The following CHST12 variants were observed in gnomAD, a reference collection of about 807,000 sequenced individuals.
CHST12 encodes the protein carbohydrate sulfotransferase 12.
CHST12 carries 23 observed loss-of-function variants against 27.9 expected under a neutral mutation model. The observed-to-expected ratio is 0.82, with a 90% CI of 0.59 to 1.17. The LOEUF (loss-of-function observed/expected upper bound fraction) is 1.17, where lower values mean the gene tolerates loss of function less well. Ranked by LOEUF, CHST12 falls within the 50% of genes most tolerant of loss-of-function variation. The pLI is 0.00. For synonymous variants in CHST12, 322 were observed against 273.0 expected (o/e 1.18, Z -1.77); for missense variants, 682 against 603.0 (o/e 1.13, Z -1.37).
rs1211151989 is a variant in CHST12, at chr7:2,445,077, A to G, written c.*11193A>G. 6.6e-6 allele frequency: 1 copy of G among 152,214 alleles called. No homozygotes were observed. The highest frequency in any genetic ancestry group is 1.5e-5 in the Non-Finnish European group (1 of 68,042). 9.4% of individuals were successfully genotyped at this position (152,214 alleles called of 1,614,324 possible). A position where few individuals can be genotyped will look rare whatever the true frequency, so the allele number is the denominator to read the frequency against. On this transcript the variant is annotated 3_prime_UTR_variant, in exon 2 of 2. Coordinates refer to ENST00000618655, the MANE Select transcript of CHST12 (RefSeq NM_018641.5). The stretch of plus-strand genomic sequence containing the variant: ...GTGGATTTCAACATGTCGGGTTTCA[A>G]AGGGGGCTGGCTTTGAAAGTGGTCT...
chr7:2,433,548 C>T lies in CHST12; in HGVS notation c.909C>T (p.Phe303=), dbSNP rs764010502. ...RAGLKVSFAN[F]IQYLLDPHTE... ...GCCTCAAGGTGTCCTTCGCCAACTTCATCCAGTACCTGCTGGACCCGCACA... is the reference window on the plus strand; with the variant it reads ...GCCTCAAGGTGTCCTTCGCCAACTTTATCCAGTACCTGCTGGACCCGCACA... Residue 303 remains phenylalanine, a synonymous_variant, in exon 2 of 2, where the codon TTC becomes TTT. Transcript: ENST00000618655. The surrounding 1 kb of genome is among the most constrained non-coding windows in gnomAD (Gnocchi z 6.1). 8 of 1,613,290 alleles carry T rather than the reference C, an allele frequency of 5.0e-6. No homozygotes were observed. The highest frequency in any genetic ancestry group is 1.7e-5 in the Admixed American group (1 of 60,012).
At position 2,432,861 on chromosome 7, in the gene CHST12, C is replaced by T; in HGVS notation, c.222C>T (p.Leu74=). 1 of 1,613,818 alleles carries T rather than the reference C, an allele frequency of 6.2e-7. No homozygotes were observed. Among genetic ancestry groups the T allele is most frequent in the Non-Finnish European group, 8.5e-7 (1 of 1,179,908 alleles). The part of the protein sequence containing the change: ...SDVDEFLDKF[L]SAGVKQSDLP... ...TCGACGAGTTTCTGGACAAGTTTCT[C>T]AGTGCTGGCGTGAAGCAGAGCGACC... Residue 74 remains leucine (L), a synonymous_variant, in exon 2 of 2, where the codon CTC becomes CTT. Coordinates refer to ENST00000618655, the MANE Select transcript of CHST12 (RefSeq NM_018641.5).
intron 1 of CHST12, among the ~76,000 whole-genome samples, chr7:2,413,356 C>G (rs904690947): frequency 6.6e-6 from 1 of 152,188 alleles, no homozygotes; most frequent in Non-Finnish European, 1.5e-5. Context: ...TTCATAAAAC[C>G]ACAAACATTT....
rs1363150324 is a variant in CHST12, at chr7:2,441,631, T to G, written c.*7747T>G. 6.8e-6 allele frequency: 1 copy of G among 147,340 alleles called. No homozygotes were observed. The highest frequency in any genetic ancestry group is 1.5e-5 in the Non-Finnish European group (1 of 67,626). The allele number at this position is 147,340 out of a possible 1,614,324, so 9.1% of individuals were successfully genotyped here. A position where few individuals can be genotyped will look rare whatever the true frequency, so the allele number is the denominator to read the frequency against. The stretch of plus-strand genomic sequence containing the variant: ...TCGCTTGAGTCTGGGAGGTCGAGGC[T>G]GCTGTGAGCCATGATTGCACCACTG... On this transcript the variant is annotated 3_prime_UTR_variant, in exon 2 of 2. Transcript: ENST00000618655.
At chr7:2,418,659 C>T (rs879278549) in intron 1 of CHST12, among the ~76,000 whole-genome samples, 5 of 152,180 alleles carry the variant, frequency 3.3e-5, no homozygotes, top group Admixed American at 6.5e-5. Context: ...CTCAGCCCAG[C>T]GGTTCTATCG....
chr7:2,420,995 T>A (rs963510796), intron 1 of CHST12, among the ~76,000 whole-genome samples: 4 of 152,082 alleles, frequency 2.6e-5, no homozygotes, highest in Non-Finnish European at 4.4e-5. Context: ...CTTGAGTAGC[T>A]GGGATTACAG....
rs1374018938 is a variant in CHST12 at position 2,439,886 on chromosome 7, A to C, written c.*6002A>C. 6.6e-6 allele frequency: 1 copy of C among 151,996 alleles called. No individual in the cohort carries two copies. The highest frequency in any genetic ancestry group is 2.4e-5 in the African/African-American group (1 of 41,408). The allele number at this position is 151,996 out of a possible 1,614,324, so 9.4% of individuals were successfully genotyped here. A position where few individuals can be genotyped will look rare whatever the true frequency, so the allele number is the denominator to read the frequency against. ...CAGAGCGAGACTCCGTCTCAAAAAA[A>C]AATTTTTTTTTTTGGTAGATACGGG... On this transcript the variant is annotated 3_prime_UTR_variant, in exon 2 of 2. Coordinates refer to ENST00000618655, the MANE Select transcript of CHST12 (RefSeq NM_018641.5).
intron 1 of CHST12, among the ~76,000 whole-genome samples, chr7:2,417,176 G>C (rs183742672): frequency 6.6e-6 from 1 of 151,788 alleles, no homozygotes; most frequent in East Asian, 1.9e-4. Context: ...GAAGACCAAT[G>C]TCCCAGCTCA....
In CHST12 at chr7:2,438,918, G is replaced by C. The variant is rs1414971780; in HGVS notation, c.*5034G>C. On this transcript the variant is annotated 3_prime_UTR_variant, in exon 2 of 2. Coordinates refer to ENST00000618655, the MANE Select transcript of CHST12 (RefSeq NM_018641.5). ...TCTTAGCTGTGAGCCTCTGGGAAGAGGTTCTGGCAGGTGGAGGGGATGGAC... is the reference window on the plus strand; with the variant it reads ...TCTTAGCTGTGAGCCTCTGGGAAGACGTTCTGGCAGGTGGAGGGGATGGAC... The C allele has an allele frequency of 6.6e-6, 1 of 152,306 alleles. No individual in the cohort carries two copies. The highest frequency in any genetic ancestry group is 2.4e-5 in the African/African-American group (1 of 41,448). 9.4% of individuals were successfully genotyped at this position (152,306 alleles called of 1,614,324 possible).
rs958782829 is a variant in CHST12 at position 2,447,508 on chromosome 7, T to G, written c.*13624T>G. 4.6e-5 allele frequency: 7 copies of G among 152,370 alleles called. No individual in the cohort carries two copies. Among genetic ancestry groups the G allele is most frequent in the African/African-American group, 1.7e-4 (7 of 41,468 alleles). 9.4% of individuals were successfully genotyped at this position (152,370 alleles called of 1,614,324 possible). ...TTGTTGTTGAGACAGAGTCTTGCTC[T>G]GTCGCCCAGGCTGGAGTGCAGTGGC... On this transcript the variant is annotated 3_prime_UTR_variant, in exon 2 of 2. Coordinates refer to ENST00000618655, the MANE Select transcript of CHST12 (RefSeq NM_018641.5).
At chr7:2,415,190 C>T (rs563634545) in intron 1 of CHST12, among the ~76,000 whole-genome samples, 6 of 152,218 alleles carry the variant, frequency 3.9e-5, no homozygotes, top group African/African-American at 1.2e-4. Context: ...CATGATGAAA[C>T]CCCATCTCTA....
At position 2,437,112 on chromosome 7, in the gene CHST12, T is replaced by C. The variant is rs1006092734; in HGVS notation, c.*3228T>C. On this transcript the variant is annotated 3_prime_UTR_variant, in exon 2 of 2. Coordinates refer to ENST00000618655, the MANE Select transcript of CHST12 (RefSeq NM_018641.5). Reference sequence around the variant, plus strand: ...AGCAAATTATACATTTTATGAAAATTGGCATCGTACAACTGGAAAATTTAA... The same window carrying C: ...AGCAAATTATACATTTTATGAAAATCGGCATCGTACAACTGGAAAATTTAA... The C allele has an allele frequency of 6.6e-6, 1 of 152,254 alleles. No homozygotes were observed. The highest frequency in any genetic ancestry group is 2.4e-5 in the African/African-American group (1 of 41,466). 9.4% of individuals were successfully genotyped at this position (152,254 alleles called of 1,614,324 possible).
At chr7:2,418,571 T>C (rs1781872926) in intron 1 of CHST12, among the ~76,000 whole-genome samples, 1 of 152,246 alleles carries the variant, frequency 6.6e-6, no homozygotes, top group Non-Finnish European at 1.5e-5. Context: ...TCCTATTTCT[T>C]TTTAATGAAA....
At position 2,432,748 on chromosome 7, in the gene CHST12, C is replaced by G; in HGVS notation, c.109C>G (p.His37Asp). ...DSAGAAHFYL[H>D]TSFSRPHTGP... ...CGCAGGCGCCGCGCACTTCTACTTG[C>G]ACACGTCCTTCTCTAGGCCGCACAC... Residue 37 changes from histidine to aspartate, a missense_variant, in exon 2 of 2, where the codon CAC (histidine) becomes GAC (aspartate). Transcript: ENST00000618655. 4 of 1,613,910 alleles carry G rather than the reference C, an allele frequency of 2.5e-6. No homozygotes were observed. Among genetic ancestry groups the G allele is most frequent in the Non-Finnish European group, 2.5e-6 (3 of 1,179,856 alleles).
chr7:2,425,554 T>C (rs1489001282), intron 1 of CHST12, among the ~76,000 whole-genome samples: 1 of 152,136 alleles, frequency 6.6e-6, no homozygotes, highest in East Asian at 1.9e-4. Flanking sequence ...CACCATTGTT[T>C]CTGGATGTGG....
chr7:2,434,553 C>G lies in CHST12; in HGVS notation c.*669C>G. The G allele has an allele frequency of 7.9e-6, 1 of 126,466 alleles. No individual in the cohort carries two copies. The highest frequency in any genetic ancestry group is 1.6e-5 in the Non-Finnish European group (1 of 61,872). The allele number at this position is 126,466 out of a possible 1,614,324, so 7.8% of individuals were successfully genotyped here. A position where few individuals can be genotyped will look rare whatever the true frequency, so the allele number is the denominator to read the frequency against. ...TTGAGGTCAGGAATTTGAGACCTGG[C>G]CAACATGGTGAAACCCTGTCTCTAC... On this transcript the variant is annotated 3_prime_UTR_variant, in exon 2 of 2. Transcript: ENST00000618655.
In CHST12 at chr7:2,421,803, C is replaced by A. The variant is rs144928654; in HGVS notation, c.-77-10760C>A. ...CCCAGGCTGGTCTTAAACTCCTGGG[C>A]AGTTCTCCCGCCTCAGCCTCCCAAA... On this transcript the variant is annotated intron_variant, in intron 1 of 1. Transcript: ENST00000618655. Among the ~76,000 whole-genome samples the A allele has an allele frequency of 3.4e-3, 516 of 152,044 alleles. 5 individuals are homozygous for A. The highest frequency in any genetic ancestry group is 0.012 in the African/African-American group (484 of 41,456).
chr7:2,417,494 A>G (rs1781841888), intron 1 of CHST12, among the ~76,000 whole-genome samples: 1 of 149,406 alleles, frequency 6.7e-6, no homozygotes, highest in African/African-American at 2.5e-5. Context: ...GGTTCAAACT[A>G]TTCTCCTGCC....
chr7:2,433,495 G>T lies in CHST12; in HGVS notation c.856G>T (p.Ala286Ser), dbSNP rs201518792. The change falls in exon 2 of 2, where the codon GCC becomes TCC. Residue 286 changes from alanine (A) to serine (S), a missense_variant. Coordinates refer to ENST00000618655, the MANE Select transcript of CHST12 (RefSeq NM_018641.5). This position sits in a 1 kb window ranked among gnomAD's most constrained non-coding sequence, Gnocchi z 6.1. ...RLYANHTSLP[A>S]SAREAFRAGL... The stretch of plus-strand genomic sequence containing the variant: ...GTACGCCAACCACACCAGCCTGCCC[G>T]CCTCGGCGCGCGAGGCCTTCCGCGC... 6.2e-7 allele frequency: 1 copy of T among 1,611,714 alleles called. No individual in the cohort carries two copies. Among genetic ancestry groups the T allele is most frequent in the East Asian group, 2.2e-5 (1 of 44,870 alleles).
Sources: gnomAD v4.1 joint callset for allele counts (sites outside exome capture counted in the v4.1 genomes callset) on GRCh38, gnomAD v4.1.1 for gene constraint, Gnocchi (gnomAD v3.1) non-coding constraint, MANE v1.5 for transcripts, NCBI Gene and HGNC (gene_info 2026-07-23, HGNC 2026-07-21) for gene names.